Variants in DOCK3 observed in about 807,000 individuals in gnomAD.
DOCK3 encodes dedicator of cytokinesis 3.
DOCK3 carries 60 observed loss-of-function variants against 265.6 expected under a neutral mutation model. The observed-to-expected ratio is 0.23, with a 90% CI of 0.18 to 0.28. The LOEUF is 0.28. DOCK3 is among the 10% of genes least tolerant of loss of function. DOCK3 has a pLI of 1.00. For synonymous variants in DOCK3, 881 were observed against 938.0 expected, an observed-to-expected ratio of 0.94 and a Z score of 1.11; for missense variants, 1,981 against 2,594.3, an observed-to-expected ratio of 0.76 and a Z score of 5.14.
intron 6 of DOCK3, among the ~76,000 whole-genome samples, chr3:51,069,528 G>GTGTGTGTATATA (rs576510068): frequency 4.6e-5 from 7 of 151,646 alleles, no homozygotes; most frequent in South Asian, 2.1e-4. Context: ...TCATACATAT[G>GTGTGTGTATATA]TGTGTGTATA....
intron 27 of DOCK3, among the ~76,000 whole-genome samples, chr3:51,289,708 A>G (rs1471843603): frequency 6.6e-6 from 1 of 152,194 alleles, no homozygotes; most frequent in Non-Finnish European, 1.5e-5. Context: ...ATACACTGAA[A>G]GTGAAGGGAT....
At chr3:51,344,552 G>A (rs1020011444) in intron 38 of DOCK3, among the ~76,000 whole-genome samples, 14 of 152,156 alleles carry the variant, frequency 9.2e-5, no homozygotes, top group South Asian at 2.1e-4. Context: ...CATGGGAGGC[G>A]GAGGTTGCAG....
intron 51 of DOCK3, among the ~76,000 whole-genome samples, chr3:51,378,531 G>A (rs1466248000): frequency 6.6e-6 from 1 of 152,190 alleles, no homozygotes; most frequent in East Asian, 1.9e-4. Context: ...CACGGCCTTA[G>A]AACAAATCCA....
At chr3:50,810,495 A>G (rs532408083) in intron 2 of DOCK3, among the ~76,000 whole-genome samples, 110 of 152,190 alleles carry the variant, frequency 7.2e-4, no homozygotes, top group African/African-American at 2.6e-3. Flanking sequence ...GTGAGCCGGT[A>G]TTGCACCACT....
intron 5 of DOCK3, among the ~76,000 whole-genome samples, chr3:50,943,352 T>C (rs568688911): frequency 2.0e-5 from 3 of 152,150 alleles, no homozygotes; most frequent in African/African-American, 7.2e-5. Context: ...ATATTAAAGC[T>C]ATGGTCCAAT....
At chr3:50,904,315 C>T (rs1234279713) in intron 4 of DOCK3, among the ~76,000 whole-genome samples, 1 of 152,194 alleles carries the variant, frequency 6.6e-6, no homozygotes, top group African/African-American at 2.4e-5. Context: ...ATTTCTAGTT[C>T]TAGATCCTTG....
In DOCK3 at chr3:51,027,999, T is replaced by C. The variant is rs111905829; in HGVS notation, c.316-36449T>C. On this transcript the variant is annotated intron_variant, in intron 5 of 52. Transcript: ENST00000266037. ...ATAGTGTTGTTAGCTAGTTACTTTG[T>C]AGGCTGGAATGGTAGTTGCTGTATA... is the stretch of plus-strand genomic sequence containing the variant. Among the ~76,000 whole-genome samples the C allele has an allele frequency of 3.0e-3, 454 of 152,260 alleles. 3 individuals carry two copies. The highest frequency in any genetic ancestry group is 0.01 in the African/African-American group (433 of 41,552).
chr3:51,043,717 A>T (rs375531843), intron 5 of DOCK3, among the ~76,000 whole-genome samples: 16 of 152,012 alleles, frequency 1.1e-4, no homozygotes, highest in African/African-American at 3.6e-4. Flanking sequence ...TCTATAAGGA[A>T]CTTACACAAA....
intron 23 of DOCK3, among the ~76,000 whole-genome samples, chr3:51,269,195 A>G (rs1029945561): frequency 4.7e-5 from 7 of 148,204 alleles, no homozygotes; most frequent in Admixed American, 1.4e-4. Flanking sequence ...ATACATATAT[A>G]TGCATATATA....
intron 5 of DOCK3, among the ~76,000 whole-genome samples, chr3:50,959,155 T>C (rs574708415): frequency 1.1e-4 from 16 of 152,338 alleles, no homozygotes; most frequent in African/African-American, 3.8e-4. Context: ...AGTAATATAC[T>C]GTGCAGACTT....
intron 5 of DOCK3, among the ~76,000 whole-genome samples, chr3:50,974,525 C>G (rs2077365492): frequency 6.6e-6 from 1 of 151,764 alleles, no homozygotes; most frequent in African/African-American, 2.4e-5. Flanking sequence ...CAGTAGCATG[C>G]TGTTTTGGTT....
At chr3:50,868,901 GTTTTTTTTTTTT>G (rs147898866) in intron 3 of DOCK3, among the ~76,000 whole-genome samples, 21 of 14,300 alleles carry the variant, frequency 1.5e-3, no homozygotes, top group African/African-American at 3.6e-3. Context: ...TGGATAATCT[GTTTTTTTTTTTT>G]TTTTTTTTTT....
At chr3:51,033,876 A>G (rs1000611043) in intron 5 of DOCK3, among the ~76,000 whole-genome samples, 1 of 152,180 alleles carries the variant, frequency 6.6e-6, no homozygotes, top group Non-Finnish European at 1.5e-5. Context: ...CCAAAAGTTT[A>G]TGGCAAAAGT....
chr3:50,858,453 A>AT (rs4028315), intron 3 of DOCK3, among the ~76,000 whole-genome samples: 72 of 149,012 alleles, frequency 4.8e-4, no homozygotes, highest in African/African-American at 9.3e-4. Context: ...AATAATAATA[A>AT]AAATAAAATG....
intron 2 of DOCK3, among the ~76,000 whole-genome samples, chr3:50,788,929 T>C (rs1170867401): frequency 6.6e-6 from 1 of 152,262 alleles, no homozygotes; most frequent in Non-Finnish European, 1.5e-5. Context: ...ACGAGGTTTT[T>C]GTTTCATTTA....
intron 1 of DOCK3, among the ~76,000 whole-genome samples, chr3:50,735,568 C>A (rs1053551113): frequency 2.6e-5 from 4 of 152,076 alleles, no homozygotes; most frequent in African/African-American, 9.7e-5. Flanking sequence ...GAACTCCTGA[C>A]CTCAAGTGAT....
At chr3:51,145,944 T>G (rs1413395050) in intron 9 of DOCK3, among the ~76,000 whole-genome samples, 1 of 152,196 alleles carries the variant, frequency 6.6e-6, no homozygotes, top group African/African-American at 2.4e-5. Context: ...AAGTTCACAA[T>G]AGGGTTTGTG....
intron 17 of DOCK3, 69 bp downstream of exon 17, chr3:51,228,157 CAGTT>C (rs1645868547): frequency 2.7e-6 from 4 of 1,508,762 alleles, no homozygotes; most frequent in Admixed American, 1.7e-5. Context: ...ACATGGTTCT[CAGTT>C]AGGTGGTTTT....
At chr3:50,724,991 CAAAA>C (rs34882214) in intron 1 of DOCK3, among the ~76,000 whole-genome samples, 1 of 139,776 alleles carries the variant, frequency 7.2e-6, no homozygotes, top group Non-Finnish European at 1.6e-5. Flanking sequence ...GATTCTGTCT[CAAAA>C]AAAAAAAAAA....
Sources: allele counts gnomAD v4.1 joint callset (sites outside exome capture counted in the v4.1 genomes callset), GRCh38; gene constraint gnomAD v4.1.1; transcripts MANE v1.5; gene names NCBI Gene and HGNC (gene_info 2026-07-23, HGNC 2026-07-21).